The following ODAD3 variants were observed in gnomAD, a reference collection of about 807,000 sequenced individuals.
ODAD3 encodes outer dynein arm-docking complex subunit 3.
Under a neutral mutation model 70.9 loss-of-function variants are expected in ODAD3, and 57 were observed. That is an observed-to-expected ratio of 0.80 (90% CI 0.65 to 1.00). The LOEUF is 1.00. Ranked by LOEUF, ODAD3 falls within the 50% of genes least tolerant of loss-of-function variation. The probability of loss-of-function intolerance (pLI) is 0.00; values close to 1 mark genes in which losing one functional copy is unlikely to be tolerated. For missense variants in ODAD3, 797 were observed against 763.9 expected (o/e 1.04, Z -0.51); for synonymous variants, 327 against 315.9 (o/e 1.04, Z -0.37).
intron 8 of ODAD3, 72 bp downstream of exon 8, chr19:11,423,805 G>A (rs1969197057): frequency 1.0e-5 from 15 of 1,485,548 alleles, no homozygotes; most frequent in South Asian, 2.5e-5. Context: ...CGGTTTCACC[G>A]GCTTAGGCAC....
intron 3 of ODAD3, among the ~76,000 whole-genome samples, chr19:11,428,729 T>A (rs1204673106): frequency 3.3e-5 from 5 of 151,674 alleles, no homozygotes; most frequent in Admixed American, 3.3e-4. Context: ...TCTGTATTTG[T>A]TGTAGAGTCA....
Position 11,425,042 on chromosome 19 carries a change from T to C in ODAD3, c.964-1013A>G, listed in dbSNP as rs1203036569. On this transcript the variant is annotated intron_variant, in intron 7 of 12. Coordinates refer to ENST00000356392, the MANE Select transcript of ODAD3 (RefSeq NM_145045.5). ...ATATACATATGTGCATATATACATA[T>C]GTGTATATATGTGTATATGTGTATA... is the stretch of plus-strand genomic sequence containing the variant. 3.1e-5 allele frequency among the ~76,000 whole-genome samples: 4 copies of C among 127,654 alleles called. No individual in the cohort carries two copies. The East Asian group carries it at 9.0e-4, about 29-fold the overall frequency. The allele number at this position is 127,654 out of a possible 152,430, so 83.7% of individuals were successfully genotyped here.
At chr19:11,427,315 G>C (rs1273443973) in intron 3 of ODAD3, among the ~76,000 whole-genome samples, 2 of 145,484 alleles carry the variant, frequency 1.4e-5, no homozygotes, top group Non-Finnish European at 3.0e-5. Flanking sequence ...TTTTTTTTTA[G>C]ACGGAGTCTT....
chr19:11,431,143 C>A (rs772305433), intron 1 of ODAD3, 123 bp from the exon 2 acceptor site: 10 of 1,273,952 alleles, frequency 7.8e-6, no homozygotes, highest in Non-Finnish European at 1.1e-5. Context: ...TGGAGTTTCA[C>A]TCTTGTTGCC....
intron 1 of ODAD3, among the ~76,000 whole-genome samples, chr19:11,434,226 C>G (rs11668305): frequency 1.2e-5 from 1 of 80,512 alleles, no homozygotes. Context: ...AAACAAAAAA[C>G]AAAACAAAAA....
chr19:11,434,246 G>T (rs1488022025), intron 1 of ODAD3, among the ~76,000 whole-genome samples: 1 of 151,032 alleles, frequency 6.6e-6, no homozygotes, highest in African/African-American at 2.4e-5. Flanking sequence ...AAAAACGCGG[G>T]TGCAGTGGCT....
Position 11,422,615 on chromosome 19 carries a change from C to A in ODAD3, c.1290G>T (p.Leu430=). Reference sequence around the variant, plus strand: ...TGAGACGCTCCTGCGCCTCGGCTTGCAGTTTCTGCTGGCTGCAGGGAGCCG... The same window carrying A: ...TGAGACGCTCCTGCGCCTCGGCTTGAAGTTTCTGCTGGCTGCAGGGAGCCG... ...GEATLVSQQK[L]QAEAQERLKK... The change falls in exon 10 of 13, where the codon CTG becomes CTT. Residue 430 remains leucine (L), a synonymous_variant. Coordinates refer to ENST00000356392, the MANE Select transcript of ODAD3 (RefSeq NM_145045.5). The surrounding 1 kb of genome is among the most constrained non-coding windows in gnomAD (Gnocchi z 4.6). 6.3e-7 allele frequency: 1 copy of A among 1,599,706 alleles called. No individual in the cohort carries two copies. The highest frequency in any genetic ancestry group is 8.5e-7 in the Non-Finnish European group (1 of 1,175,352).
chr19:11,434,534 CAAAAAAAA>C (rs35624049), intron 1 of ODAD3: 19 of 177,690 alleles, frequency 1.1e-4, no homozygotes, highest in African/African-American at 5.8e-4. Context: ...GAGATTCTGC[CAAAAAAAA>C]AAAAAAAAAT....
rs1204852033 is a variant in ODAD3, at chr19:11,423,999, C to T, written c.994G>A (p.Asp332Asn). 1.9e-6 allele frequency: 3 copies of T among 1,611,718 alleles called. No individual in the cohort carries two copies. The highest frequency in any genetic ancestry group is 2.5e-6 in the Non-Finnish European group (3 of 1,179,858). ...THREHLLLQS[D>N]DTIQDSLHAK... ...TGCAGGCTGTCCTGGATGGTGTCGT[C>T]GGACTGTAGCAGCAGGTGCTCGCGG... The change falls in exon 8 of 13, where the codon GAC becomes AAC. Residue 332 changes from aspartate (D) to asparagine (N), a missense_variant. Coordinates refer to ENST00000356392, the MANE Select transcript of ODAD3 (RefSeq NM_145045.5).
At position 11,434,756 on chromosome 19, in the gene ODAD3, C is replaced by G; in HGVS notation, c.244+17G>C. ...CTGTTGACCCCTGACCCTCTGTACC[C>G]TCTGGAGCCATCTTACCTAACAGTT... On this transcript the variant is annotated intron_variant, in intron 1 of 12. Transcript: ENST00000356392. 1 of 1,602,428 alleles carries G rather than the reference C, an allele frequency of 6.2e-7. No homozygotes were observed. Among genetic ancestry groups the G allele is most frequent in the Non-Finnish European group, 8.5e-7 (1 of 1,172,282 alleles).
intron 7 of ODAD3, among the ~76,000 whole-genome samples, chr19:11,425,561 ATGTG>A (rs1357021824): frequency 2.3e-5 from 3 of 131,098 alleles, no homozygotes; most frequent in African/African-American, 7.4e-5. Flanking sequence ...ATATGTATAT[ATGTG>A]TGTATGTATG....
In ODAD3 at chr19:11,420,842, C is replaced by T; in HGVS notation, c.1781G>A (p.Arg594Lys). ...ESHKKHRRSR[R>K]S is the part of the protein sequence containing the mutation. ...GTGGGTGTCAGGACGAGTCTAGGAC[C>T]TCCGAGAGCGACGGTGCTTCTTGTG... Residue 594 changes from arginine to lysine, a missense_variant, in exon 13 of 13, where the codon AGG becomes AAG. Physicochemically the swap from Arg to Lys is conservative, Grantham distance 26. Coordinates refer to ENST00000356392, the MANE Select transcript of ODAD3 (RefSeq NM_145045.5). The T allele has an allele frequency of 1.9e-6, 3 of 1,613,954 alleles. No homozygotes were observed. The highest frequency in any genetic ancestry group is 2.5e-6 in the Non-Finnish European group (3 of 1,179,916).
Position 11,425,239 on chromosome 19 carries a change from A to G in ODAD3, c.963+905T>C, listed in dbSNP as rs1418877185. Among the ~76,000 whole-genome samples, 4 of 135,972 alleles carry G rather than the reference A, an allele frequency of 2.9e-5. 1 individual carries two copies. The highest frequency in any genetic ancestry group is 9.8e-5 in the African/African-American group (3 of 30,466). The allele number at this position is 135,972 out of a possible 152,430, so 89.2% of individuals were successfully genotyped here. A position where few individuals can be genotyped will look rare whatever the true frequency, so the allele number is the denominator to read the frequency against. On this transcript the variant is annotated intron_variant, in intron 7 of 12. Transcript: ENST00000356392. ...TGTATATATGTGTGTATATGTACAT[A>G]TGTGTATATATGTATATGTACATAT... is the stretch of plus-strand genomic sequence containing the variant.
At chr19:11,423,169 C>T (rs1327822940) in intron 8 of ODAD3, among the ~76,000 whole-genome samples, 1 of 152,230 alleles carries the variant, frequency 6.6e-6, no homozygotes, top group Non-Finnish European at 1.5e-5. Flanking sequence ...CAATTTCTGG[C>T]CGTGAATCTC....
In ODAD3 at chr19:11,430,893, C is replaced by A; in HGVS notation, c.366+6G>T. ...GGAACCCTACACCCACCCCTTTGCC[C>A]CTTACCTTGAGCAGGTCCAGCAGCT... On this transcript the variant is annotated splice_donor_region_variant and intron_variant, in intron 2 of 12. Coordinates refer to ENST00000356392, the MANE Select transcript of ODAD3 (RefSeq NM_145045.5). The A allele has an allele frequency of 6.2e-7, 1 of 1,614,062 alleles. No individual in the cohort carries two copies. The highest frequency in any genetic ancestry group is 2.2e-5 in the East Asian group (1 of 44,866).
chr19:11,428,970 C>T lies in ODAD3; in HGVS notation c.444+1729G>A, dbSNP rs143071399. On this transcript the variant is annotated intron_variant, in intron 3 of 12. Coordinates refer to ENST00000356392, the MANE Select transcript of ODAD3 (RefSeq NM_145045.5). ...TCGGCTCACAGCAACCTCCACCTCC[C>T]GGGTTCAAGGGATTCTCCTGCGTCA... 5.4e-3 allele frequency among the ~76,000 whole-genome samples: 826 copies of T among 151,970 alleles called. 8 individuals carry two copies. Among genetic ancestry groups the T allele is most frequent in the African/African-American group, 0.019 (788 of 41,430 alleles).
chr19:11,434,554 G>T, intron 1 of ODAD3: 13 of 362,812 alleles, frequency 3.6e-5, no homozygotes, highest in Non-Finnish European at 5.2e-5. Flanking sequence ...AAAAAAAATA[G>T]AGAAAATAAA....
intron 1 of ODAD3, among the ~76,000 whole-genome samples, chr19:11,434,223 AAAC>A (rs1555724370): frequency 1.2e-4 from 17 of 147,504 alleles, no homozygotes; most frequent in South Asian, 2.1e-4. Context: ...AAAAAACAAA[AAAC>A]AAAACAAAAA....
At position 11,422,561 on chromosome 19, in the gene ODAD3, G is replaced by A. The variant is rs763572006; in HGVS notation, c.1344C>T (p.Ala448=). 2.5e-5 allele frequency: 40 copies of A among 1,591,450 alleles called. No individual in the cohort carries two copies. Among genetic ancestry groups the A allele is most frequent in the Admixed American group, 1.8e-4 (10 of 56,472 alleles). The change falls in exon 10 of 13, where the codon GCC becomes GCT. Residue 448 remains alanine, a synonymous_variant. Transcript: ENST00000356392. The surrounding 1 kb of genome is among the most constrained non-coding windows in gnomAD (Gnocchi z 4.6). ...LKKEERRHAE[A]KDQLERALRA... Reference sequence around the variant, plus strand: ...GCAAGGCGCGCTCCAGCTGGTCCTTGGCCTCGGCGTGCCGCCGCTCCTCCT... The same window carrying A: ...GCAAGGCGCGCTCCAGCTGGTCCTTAGCCTCGGCGTGCCGCCGCTCCTCCT...
Sources: allele counts gnomAD v4.1 joint callset (sites outside exome capture counted in the v4.1 genomes callset), GRCh38; gene constraint gnomAD v4.1.1; non-coding constraint Gnocchi (gnomAD v3.1); transcripts MANE v1.5; gene names NCBI Gene and HGNC (gene_info 2026-07-23, HGNC 2026-07-21).